Variants in GLRA1 observed in about 807,000 individuals in gnomAD.
GLRA1 encodes the protein glycine receptor alpha 1.
A neutral mutation model predicts 48.3 loss-of-function variants in GLRA1; 37 were observed. The ratio of observed to expected loss-of-function variants is 0.77; its 90% CI spans 0.59 to 1.01. The LOEUF (loss-of-function observed/expected upper bound fraction) is 1.01, where lower values mean the gene tolerates loss of function less well. Ranked by LOEUF, GLRA1 falls within the 50% of genes least tolerant of loss-of-function variation. GLRA1 has a pLI of 0.00. For missense variants in GLRA1, 427 were observed against 571.0 expected, an observed-to-expected ratio of 0.75 and a Z score of 2.57; for synonymous variants, 196 against 210.7, an observed-to-expected ratio of 0.93 and a Z score of 0.60.
At chr5:151,922,353 G>A (rs1754897141) in intron 1 of GLRA1, among the ~76,000 whole-genome samples, 1 of 152,158 alleles carries the variant, frequency 6.6e-6, no homozygotes, top group Admixed American at 6.5e-5. Context: ...AATACCAATT[G>A]AACAAATACA....
intron 1 of GLRA1, among the ~76,000 whole-genome samples, chr5:151,923,964 A>G (rs557940101): frequency 6.6e-6 from 1 of 152,172 alleles, no homozygotes; most frequent in East Asian, 1.9e-4. Context: ...CTCTTCGCAG[A>G]AAAAGAAAAC....
chr5:151,886,489 G>A (rs532629659), intron 3 of GLRA1, among the ~76,000 whole-genome samples: 16 of 152,268 alleles, frequency 1.1e-4, no homozygotes, highest in Non-Finnish European at 1.9e-4. Flanking sequence ...AATCCTGGGT[G>A]TTTGGCAGGT....
At chr5:151,891,728 A>G (rs1754075182) in intron 2 of GLRA1, among the ~76,000 whole-genome samples, 1 of 152,210 alleles carries the variant, frequency 6.6e-6, no homozygotes, top group Non-Finnish European at 1.5e-5. Flanking sequence ...ATTATTTGTT[A>G]GCCCGTGGGA....
At chr5:151,850,856 C>T in intron 7 of GLRA1, 1 of 676,264 alleles carries the variant, frequency 1.5e-6, no homozygotes, top group Non-Finnish European at 2.8e-6. Context: ...AACTCTTCCC[C>T]CTCTCCCAAT....
intron 6 of GLRA1, 108 bp from the exon 7 acceptor site, chr5:151,851,712 T>C: frequency 1.3e-6 from 1 of 752,358 alleles, no homozygotes; most frequent in Non-Finnish European, 2.4e-6. Flanking sequence ...ACACTACCTG[T>C]GTCCTTAGAC....
intron 2 of GLRA1, among the ~76,000 whole-genome samples, chr5:151,889,533 T>C (rs984014967): frequency 6.6e-6 from 1 of 152,222 alleles, no homozygotes; most frequent in Non-Finnish European, 1.5e-5. Flanking sequence ...TTCTTTGCCA[T>C]TGTACTCTGC....
intron 7 of GLRA1, among the ~76,000 whole-genome samples, chr5:151,832,653 A>G (rs1763453360): frequency 6.6e-6 from 1 of 152,224 alleles, no homozygotes; most frequent in South Asian, 2.1e-4. Context: ...GACTCTGTGA[A>G]AAGACCAAAC....
In GLRA1 at chr5:151,895,625, CTGTGTGTGTG is replaced by C. The variant is rs67871185; in HGVS notation, c.57-3197_57-3188del. On this transcript the variant is annotated intron_variant, in intron 1 of 8. Transcript: ENST00000274576. The stretch of plus-strand genomic sequence containing the variant: ...CTCTTGCAGCATGGTGTGTGTGTGT[CTGTGTGTGTG>C]TGTGTGTGTGTGTGTGTGTGTGTGT... Among the ~76,000 whole-genome samples, 340 of 146,694 alleles carry C rather than the reference CTGTGTGTGTG, an allele frequency of 2.3e-3. 3 individuals carry two copies. Among genetic ancestry groups the C allele is most frequent in the African/African-American group, 8.1e-3 (322 of 39,920 alleles).
chr5:151,834,945 G>A (rs1358402453), intron 7 of GLRA1, among the ~76,000 whole-genome samples: 22 of 149,142 alleles, frequency 1.5e-4, no homozygotes, highest in African/African-American at 4.2e-4. Flanking sequence ...GGAGAATAGC[G>A]TGAACCCGAG....
chr5:151,850,743 C>A, intron 7 of GLRA1: 1 of 1,038,378 alleles, frequency 9.6e-7, no homozygotes, highest in Non-Finnish European at 1.5e-6. Flanking sequence ...CCCTCATCAA[C>A]ACGTGTCTTC....
At chr5:151,863,358 G>A (rs930183210) in intron 3 of GLRA1, among the ~76,000 whole-genome samples, 6 of 152,176 alleles carry the variant, frequency 3.9e-5, no homozygotes, top group African/African-American at 1.4e-4. Flanking sequence ...GGGAGGTCCA[G>A]GCTGCAGTGA....
chr5:151,879,070 A>G (rs1753695740), intron 3 of GLRA1, among the ~76,000 whole-genome samples: 1 of 152,256 alleles, frequency 6.6e-6, no homozygotes. Flanking sequence ...AGCAGCCAGG[A>G]GGGAGGCTCT....
Position 151,860,775 on chromosome 5 carries a change from G to A in GLRA1, c.253-767C>T, listed in dbSNP as rs189746369. Among the ~76,000 whole-genome samples the A allele has an allele frequency of 3.3e-4, 50 of 152,098 alleles. 1 individual carries two copies. The East Asian group carries it at 8.3e-3, about 25-fold the overall frequency. On this transcript the variant is annotated intron_variant, in intron 3 of 8. Transcript: ENST00000274576. Reference sequence around the variant, plus strand: ...AAGTTCTAGGGTACATGTGCACAACGTGCAGGTTTGTTACATATGTATACA... The same window carrying A: ...AAGTTCTAGGGTACATGTGCACAACATGCAGGTTTGTTACATATGTATACA...
At chr5:151,921,196 T>G (rs1754864484) in intron 1 of GLRA1, among the ~76,000 whole-genome samples, 1 of 152,232 alleles carries the variant, frequency 6.6e-6, no homozygotes, top group African/African-American at 2.4e-5. Context: ...CCTGCCTTTA[T>G]TCCCTTCTCA....
At chr5:151,917,517 A>G (rs1754767869) in intron 1 of GLRA1, among the ~76,000 whole-genome samples, 1 of 152,258 alleles carries the variant, frequency 6.6e-6, no homozygotes, top group Admixed American at 6.5e-5. Flanking sequence ...AGAGACAAGT[A>G]TATACTCATG....
intron 1 of GLRA1, among the ~76,000 whole-genome samples, chr5:151,906,847 T>A (rs139139536): frequency 6.6e-6 from 1 of 152,292 alleles, no homozygotes; most frequent in East Asian, 1.9e-4. Flanking sequence ...TTGAGTACCT[T>A]CTACAGCCCA....
intron 1 of GLRA1, among the ~76,000 whole-genome samples, chr5:151,919,109 A>G (rs1191607313): frequency 6.6e-6 from 1 of 152,230 alleles, no homozygotes; most frequent in Non-Finnish European, 1.5e-5. Context: ...AAAAAGAATC[A>G]CATATCTTTA....
intron 2 of GLRA1, among the ~76,000 whole-genome samples, chr5:151,887,792 CAT>C (rs1432808636): frequency 6.6e-6 from 1 of 152,126 alleles, no homozygotes; most frequent in African/African-American, 2.4e-5. Flanking sequence ...AAAGGGCTGA[CAT>C]AAAATAACCA....
intron 7 of GLRA1, among the ~76,000 whole-genome samples, chr5:151,831,460 G>T (rs762989994): frequency 2.0e-5 from 3 of 152,190 alleles, no homozygotes; most frequent in Admixed American, 6.5e-5. Flanking sequence ...TGAGCTTGGT[G>T]GGGGGAGGAG....
Sources: gnomAD v4.1 joint callset for allele counts (sites outside exome capture counted in the v4.1 genomes callset) on GRCh38, gnomAD v4.1.1 for gene constraint, MANE v1.5 for transcripts, NCBI Gene and HGNC (gene_info 2026-07-23, HGNC 2026-07-21) for gene names.